The following ZSWIM3 variants were observed in gnomAD, a reference collection of about 807,000 sequenced individuals.
The protein encoded by ZSWIM3 is zinc finger SWIM domain-containing protein 3.
A neutral mutation model predicts 47.5 loss-of-function variants in ZSWIM3; 27 were observed. The ratio of observed to expected loss-of-function variants is 0.57; its 90% CI spans 0.42 to 0.78. The LOEUF is 0.78. Ranked by LOEUF, ZSWIM3 falls within the 30% of genes least tolerant of loss-of-function variation. ZSWIM3 has a pLI of 0.00. For synonymous variants in ZSWIM3, 333 were observed against 333.9 expected, an observed-to-expected ratio of 1.00 and a Z score of 0.03; for missense variants, 689 against 861.3, an observed-to-expected ratio of 0.80 and a Z score of 2.50.
At chr20:45,861,302 G>A (rs899065262) in intron 1 of ZSWIM3, among the ~76,000 whole-genome samples, 1 of 152,078 alleles carries the variant, frequency 6.6e-6, no homozygotes, top group Non-Finnish European at 1.5e-5. Flanking sequence ...TGTAGTACCA[G>A]CTACTCTGGA....
Position 45,877,381 on chromosome 20 carries a change from G to A in ZSWIM3, c.823G>A (p.Asp275Asn), listed in dbSNP as rs779491530. The change falls in exon 2 of 2, where the codon GAT becomes AAT. Residue 275 changes from aspartate to asparagine, a missense_variant. By Grantham distance (23) the Asp-to-Asn change is conservative. Transcript: ENST00000255152. The part of the protein sequence containing the change: ...MLSIFTEFNS[D>N]WPKVKVVFVD... ...GAGCATCTTCACAGAGTTCAACTCC[G>A]ATTGGCCCAAGGTCAAGGTGGTCTT... The A allele has an allele frequency of 2.5e-5, 41 of 1,614,028 alleles. No homozygotes were observed. Among genetic ancestry groups the A allele is most frequent in the African/African-American group, 9.3e-5 (7 of 74,920 alleles).
At chr20:45,872,733 C>T (rs1213450291) in intron 1 of ZSWIM3, 5 of 1,289,226 alleles carry the variant, frequency 3.9e-6, no homozygotes, top group Admixed American at 2.3e-5. Flanking sequence ...CAAGTGGTCA[C>T]CCCTCACTGG....
At chr20:45,866,361 C>A (rs148840515) in intron 1 of ZSWIM3, among the ~76,000 whole-genome samples, 2 of 152,226 alleles carry the variant, frequency 1.3e-5, no homozygotes, top group Non-Finnish European at 2.9e-5. Flanking sequence ...ATGTAAAGGT[C>A]ATTGGGAATT....
Position 45,878,599 on chromosome 20 carries a change from C to T in ZSWIM3, c.2041C>T (p.Gln681Ter), listed in dbSNP as rs1986168211. 1 of 1,613,318 alleles carries T rather than the reference C, an allele frequency of 6.2e-7. No individual in the cohort carries two copies. The highest frequency in any genetic ancestry group is 8.5e-7 in the Non-Finnish European group (1 of 1,179,426). Residue 681 changes from glutamine to a stop codon, truncating the protein, a stop_gained, in exon 2 of 2, where the codon CAA becomes TAA. Transcript: ENST00000255152. LOFTEE classifies it high-confidence loss of function. The part of the protein sequence containing the change: ...VGRLPFLWGK[Q>*]EEGEGFPPAT... ...CCGCCTCCCTTTCCTCTGGGGAAAG[C>T]AAGAAGAAGGGGAGGGATTCCCTCC...
chr20:45,867,542 C>G (rs962860946), intron 1 of ZSWIM3, among the ~76,000 whole-genome samples: 1 of 152,136 alleles, frequency 6.6e-6, no homozygotes, highest in Non-Finnish European at 1.5e-5. Context: ...GCTTTGTGTT[C>G]TGTTTATGAT....
At chr20:45,866,039 G>C (rs1224227332) in intron 1 of ZSWIM3, among the ~76,000 whole-genome samples, 1 of 151,572 alleles carries the variant, frequency 6.6e-6, no homozygotes, top group Non-Finnish European at 1.5e-5. Context: ...AGGCTAGGGG[G>C]CATGCCTGTT....
intron 1 of ZSWIM3, among the ~76,000 whole-genome samples, chr20:45,858,570 G>A (rs1197015171): frequency 6.6e-6 from 1 of 152,114 alleles, no homozygotes; most frequent in Non-Finnish European, 1.5e-5. Flanking sequence ...TGTACAGACT[G>A]GGTCTTGTTA....
In ZSWIM3 at chr20:45,877,569, G is replaced by A. The variant is rs61750778; in HGVS notation, c.1011G>A (p.Glu337=). 15,768 of 1,614,220 alleles carry A rather than the reference G, an allele frequency of 9.8e-3. 116 individuals are homozygous for A. Among genetic ancestry groups the A allele is most frequent in the East Asian group, 0.02 (881 of 44,888 alleles). ...GGCTCATGAAGGAAGCCCTGCGGGAGGCCGTGTTTGTCACTTCTGAAGCCA... is the reference window on the plus strand; with the variant it reads ...GGCTCATGAAGGAAGCCCTGCGGGAAGCCGTGTTTGTCACTTCTGAAGCCA... ...FKRLMKEALR[E]AVFVTSEASL... The change falls in exon 2 of 2, where the codon GAG becomes GAA. Residue 337 remains glutamate (E), a synonymous_variant. Transcript: ENST00000255152.
chr20:45,857,697 T>C lies in ZSWIM3; in HGVS notation c.-129T>C. ...CTGAGTTCCAGAATAGGCCACCCAG[T>C]TGGGGCGGACCCTTAAGGCATTCTG... On this transcript the variant is annotated 5_prime_UTR_variant, in exon 1 of 2. Transcript: ENST00000255152. 3 of 1,170,966 alleles carry C rather than the reference T, an allele frequency of 2.6e-6. No homozygotes were observed. Among genetic ancestry groups the C allele is most frequent in the Admixed American group, 4.6e-5 (2 of 43,790 alleles). 72.5% of individuals were successfully genotyped at this position (1,170,966 alleles called of 1,614,324 possible).
At chr20:45,871,687 TAA>T (rs528243235) in intron 1 of ZSWIM3, among the ~76,000 whole-genome samples, 13 of 130,872 alleles carry the variant, frequency 9.9e-5, no homozygotes, top group Non-Finnish European at 1.2e-4. Context: ...CCATCTCTAC[TAA>T]AAAAAAAAAA....
chr20:45,869,220 A>G (rs935545502), intron 1 of ZSWIM3, among the ~76,000 whole-genome samples: 2 of 151,836 alleles, frequency 1.3e-5, no homozygotes, highest in African/African-American at 2.4e-5. Context: ...ACTATTCCCT[A>G]TGAAATGTTT....
intron 1 of ZSWIM3, among the ~76,000 whole-genome samples, chr20:45,871,794 G>A (rs1183655015): frequency 2.0e-5 from 3 of 150,822 alleles, no homozygotes; most frequent in Non-Finnish European, 4.4e-5. Context: ...CCAGGAGGCA[G>A]AGGTTGCAGT....
intron 1 of ZSWIM3, among the ~76,000 whole-genome samples, chr20:45,871,340 A>G (rs1985970303): frequency 1.3e-5 from 2 of 152,206 alleles, no homozygotes; most frequent in African/African-American, 2.4e-5. Flanking sequence ...GTGTTTTTCT[A>G]CTGTAACTAT....
intron 1 of ZSWIM3, among the ~76,000 whole-genome samples, chr20:45,870,874 T>C (rs1306700060): frequency 6.6e-6 from 1 of 151,992 alleles, no homozygotes; most frequent in Non-Finnish European, 1.5e-5. Flanking sequence ...TTTGTATTTT[T>C]AGTAGAGATG....
intron 1 of ZSWIM3, among the ~76,000 whole-genome samples, chr20:45,869,976 G>A (rs1168161660): frequency 4.7e-5 from 7 of 150,380 alleles, no homozygotes; most frequent in South Asian, 4.2e-4. Context: ...CCCAGGAGGC[G>A]GAGGTTACAG....
At chr20:45,872,618 G>A in intron 1 of ZSWIM3, 1 of 946,770 alleles carries the variant, frequency 1.1e-6, no homozygotes, top group Middle Eastern at 2.6e-4. Context: ...CATGCACAAA[G>A]GTGAGACAGA....
intron 1 of ZSWIM3, among the ~76,000 whole-genome samples, chr20:45,860,510 CAAAA>C (rs59152975): frequency 9.7e-6 from 1 of 102,638 alleles, no homozygotes; most frequent in African/African-American, 5.5e-5. Flanking sequence ...GACTCCATCT[CAAAA>C]AAAAAAAAAA....
intron 1 of ZSWIM3, among the ~76,000 whole-genome samples, chr20:45,871,751 C>T (rs997705717): frequency 6.7e-6 from 1 of 150,146 alleles, no homozygotes; most frequent in African/African-American, 2.4e-5. Flanking sequence ...AATCCCAGCT[C>T]TTGGGAGGCT....
chr20:45,859,792 C>CAAAAAAAAAAA (rs765560893), intron 1 of ZSWIM3, among the ~76,000 whole-genome samples: 8 of 52,096 alleles, frequency 1.5e-4, no homozygotes, highest in African/African-American at 3.7e-4. Context: ...GAGAGGAATA[C>CAAAAAAAAAAA]AAAAAAAAAA....
Sources: allele counts gnomAD v4.1 joint callset (sites outside exome capture counted in the v4.1 genomes callset), GRCh38; gene constraint gnomAD v4.1.1; transcripts MANE v1.5; gene names NCBI Gene and HGNC (gene_info 2026-07-23, HGNC 2026-07-21).